EFNA5: variants seen among roughly 807,000 people sequenced by gnomAD.
The protein encoded by EFNA5 is ephrin A5, also known as ephrin-A5.
A neutral mutation model predicts 22.9 loss-of-function variants in EFNA5; 5 were observed. That is an observed-to-expected ratio of 0.22 (90% CI 0.11 to 0.46). EFNA5 has a LOEUF of 0.46. Ranked by LOEUF, EFNA5 falls within the 20% of genes least tolerant of loss-of-function variation. The pLI is 0.99. For synonymous variants in EFNA5, 113 were observed against 112.2 expected (o/e 1.01, Z -0.04); for missense variants, 237 against 293.3 (o/e 0.81, Z 1.40).
chr5:107,606,209 T>A (rs1346024759), intron 1 of EFNA5, among the ~76,000 whole-genome samples: 2 of 152,178 alleles, frequency 1.3e-5, no homozygotes, highest in African/African-American at 4.8e-5. Context: ...ACTTTTTTTT[T>A]AAAGTCCTTT....
intron 1 of EFNA5, among the ~76,000 whole-genome samples, chr5:107,653,695 T>C (rs1029894079): frequency 2.6e-5 from 4 of 152,194 alleles, no homozygotes; most frequent in Non-Finnish European, 5.9e-5. Flanking sequence ...AGAGAGGCTG[T>C]TCAACAAAAC....
intron 1 of EFNA5, among the ~76,000 whole-genome samples, chr5:107,442,540 A>C (rs1749283473): frequency 6.6e-6 from 1 of 152,196 alleles, no homozygotes; most frequent in African/African-American, 2.4e-5. Context: ...TTTTCCTAGG[A>C]AAGTTGAGCT....
At chr5:107,658,017 G>A (rs1346094472) in intron 1 of EFNA5, among the ~76,000 whole-genome samples, 2 of 152,072 alleles carry the variant, frequency 1.3e-5, no homozygotes, top group Non-Finnish European at 2.9e-5. Context: ...AGACTCTACA[G>A]GAGCAAAAGT....
intron 2 of EFNA5, among the ~76,000 whole-genome samples, chr5:107,404,265 A>G (rs889850777): frequency 6.6e-6 from 1 of 152,236 alleles, no homozygotes; most frequent in Non-Finnish European, 1.5e-5. Flanking sequence ...ATGGTTACAC[A>G]TGATCGTTTT....
At chr5:107,482,822 CTCTG>C (rs1437937217) in intron 1 of EFNA5, among the ~76,000 whole-genome samples, 24 of 54,508 alleles carry the variant, frequency 4.4e-4, no homozygotes, top group Middle Eastern at 0.01. Context: ...CTGTCTCTCT[CTCTG>C]TCTCTGTCTC....
chr5:107,402,543 C>T (rs376164987), intron 2 of EFNA5, among the ~76,000 whole-genome samples: 12 of 152,284 alleles, frequency 7.9e-5, no homozygotes, highest in African/African-American at 2.6e-4. Context: ...ATTTATTTAT[C>T]ATGCCACAAG....
At chr5:107,466,076 C>T (rs1749971751) in intron 1 of EFNA5, among the ~76,000 whole-genome samples, 1 of 152,092 alleles carries the variant, frequency 6.6e-6, no homozygotes, top group Non-Finnish European at 1.5e-5. Context: ...CAGCTAGGAC[C>T]CAACCGCAGG....
intron 1 of EFNA5, among the ~76,000 whole-genome samples, chr5:107,564,567 T>C (rs1009254532): frequency 2.0e-5 from 3 of 152,016 alleles, no homozygotes; most frequent in Non-Finnish European, 4.4e-5. Flanking sequence ...AGTGCCAAGA[T>C]ATTGAAGAAG....
intron 1 of EFNA5, among the ~76,000 whole-genome samples, chr5:107,452,958 A>ATTTC (rs1185195780): frequency 2.0e-5 from 3 of 152,112 alleles, no homozygotes; most frequent in African/African-American, 7.2e-5. Context: ...GCCTGGCCTG[A>ATTTC]TTTCTTTCTT....
chr5:107,440,106 C>T (rs1749217302), intron 1 of EFNA5, among the ~76,000 whole-genome samples: 1 of 152,148 alleles, frequency 6.6e-6, no homozygotes, highest in Non-Finnish European at 1.5e-5. Context: ...ACAGCTGGAT[C>T]CTCTATTTAC....
At chr5:107,421,592 G>GA (rs1377579677) in intron 2 of EFNA5, among the ~76,000 whole-genome samples, 2 of 152,052 alleles carry the variant, frequency 1.3e-5, no homozygotes, top group Admixed American at 6.5e-5. Flanking sequence ...CTTTGGAGAG[G>GA]AAAAAATGCA....
chr5:107,506,712 A>T (rs1439733583), intron 1 of EFNA5, among the ~76,000 whole-genome samples: 2 of 152,202 alleles, frequency 1.3e-5, no homozygotes, highest in Non-Finnish European at 2.9e-5. Context: ...TGATCAGAAG[A>T]GCAAGGCAGG....
At chr5:107,465,252 A>G (rs965073321) in intron 1 of EFNA5, among the ~76,000 whole-genome samples, 56 of 152,290 alleles carry the variant, frequency 3.7e-4, no homozygotes, top group African/African-American at 7.7e-4. Flanking sequence ...CTTTTCTTGC[A>G]TACTGGAAAG....
At chr5:107,496,967 T>C (rs1303028243) in intron 1 of EFNA5, among the ~76,000 whole-genome samples, 1 of 152,238 alleles carries the variant, frequency 6.6e-6, no homozygotes, top group East Asian at 1.9e-4. Context: ...CAATGTCCCC[T>C]GGACTCCTTT....
intron 1 of EFNA5, among the ~76,000 whole-genome samples, chr5:107,512,178 C>T (rs1431581792): frequency 6.6e-6 from 1 of 152,120 alleles, no homozygotes; most frequent in Non-Finnish European, 1.5e-5. Context: ...ACAGGGAAGT[C>T]CCACCCCACT....
At chr5:107,476,715 A>G (rs1436910234) in intron 1 of EFNA5, among the ~76,000 whole-genome samples, 1 of 145,852 alleles carries the variant, frequency 6.9e-6, no homozygotes, top group African/African-American at 2.6e-5. Context: ...AGCTGCCCTT[A>G]AAATGTTTAT....
At chr5:107,444,449 A>C (rs1749340601) in intron 1 of EFNA5, among the ~76,000 whole-genome samples, 1 of 152,250 alleles carries the variant, frequency 6.6e-6, no homozygotes. Flanking sequence ...CCTATTTAAA[A>C]GTTTGCATAA....
At chr5:107,434,561 A>G (rs1317887577) in intron 1 of EFNA5, among the ~76,000 whole-genome samples, 1 of 152,232 alleles carries the variant, frequency 6.6e-6, no homozygotes, top group Non-Finnish European at 1.5e-5. Flanking sequence ...CATATTTAAA[A>G]TGTTCTAAAT....
At chr5:107,467,345 T>C (rs1349356582) in intron 1 of EFNA5, among the ~76,000 whole-genome samples, 1 of 152,108 alleles carries the variant, frequency 6.6e-6, no homozygotes, top group Non-Finnish European at 1.5e-5. Flanking sequence ...AAAAAAAGTC[T>C]CACTATAGTG....
Sources: allele counts gnomAD v4.1 joint callset (sites outside exome capture counted in the v4.1 genomes callset), GRCh38; gene constraint gnomAD v4.1.1; transcripts MANE v1.5; gene names NCBI Gene and HGNC (gene_info 2026-07-23, HGNC 2026-07-21).